The following PTK2B variants were observed in gnomAD, a reference collection of about 807,000 sequenced individuals.
PTK2B encodes protein-tyrosine kinase 2-beta.
Under a neutral mutation model 142.9 loss-of-function variants are expected in PTK2B, and 71 were observed. The ratio of observed to expected loss-of-function variants is 0.50; its 90% CI spans 0.41 to 0.61. The LOEUF (loss-of-function observed/expected upper bound fraction) is 0.61. PTK2B is among the 20% of genes least tolerant of loss of function. The pLI is 0.00. For synonymous variants in PTK2B, 519 were observed against 503.4 expected, an observed-to-expected ratio of 1.03 and a Z score of -0.42; for missense variants, 1,105 against 1,320.4, an observed-to-expected ratio of 0.84 and a Z score of 2.53.
At chr8:27,343,716 T>G (rs1429734420) in intron 1 of PTK2B, among the ~76,000 whole-genome samples, 6 of 152,166 alleles carry the variant, frequency 3.9e-5, no homozygotes, top group Admixed American at 6.5e-5. Context: ...AAAAATTTCT[T>G]TCGCCAGGCG....
At chr8:27,332,782 A>G (rs764458581) in intron 1 of PTK2B, among the ~76,000 whole-genome samples, 10 of 152,058 alleles carry the variant, frequency 6.6e-5, no homozygotes, top group Non-Finnish European at 1.3e-4. Context: ...ATGTCTTGCT[A>G]TGTTGGCCAG....
intron 2 of PTK2B, among the ~76,000 whole-genome samples, chr8:27,418,552 T>A (rs1156648868): frequency 6.6e-6 from 1 of 152,214 alleles, no homozygotes; most frequent in Non-Finnish European, 1.5e-5. Flanking sequence ...AGCAACCTAT[T>A]ATGCATTATT....
At chr8:27,345,730 T>C (rs1042028396) in intron 1 of PTK2B, among the ~76,000 whole-genome samples, 3 of 152,212 alleles carry the variant, frequency 2.0e-5, no homozygotes, top group African/African-American at 7.2e-5. Context: ...GCAGCTTCTA[T>C]GACACATGGG....
At chr8:27,428,259 T>G (rs1810204754) in intron 5 of PTK2B, among the ~76,000 whole-genome samples, 1 of 152,198 alleles carries the variant, frequency 6.6e-6, no homozygotes, top group South Asian at 2.1e-4. Flanking sequence ...TAAATACAGA[T>G]GAAACTTCAG....
rs552453692 is a variant in PTK2B, at chr8:27,432,991, T to A, written c.988-444T>A. Among the ~76,000 whole-genome samples, 280 of 152,286 alleles carry A rather than the reference T, an allele frequency of 1.8e-3. 1 individual carries two copies. Among genetic ancestry groups the A allele is most frequent in the Admixed American group, 3.9e-3 (59 of 15,306 alleles). On this transcript the variant is annotated intron_variant, in intron 10 of 30. Transcript: ENST00000346049. ...ACAGGTGCATGCCACAAGGCCCAAC[T>A]AATTTTTGTACTTTTAGTAGACACA...
At chr8:27,440,054 C>T (rs1811059441) in intron 20 of PTK2B, among the ~76,000 whole-genome samples, 183 bp from the exon 21 acceptor site, 1 of 152,178 alleles carries the variant, frequency 6.6e-6, no homozygotes, top group Non-Finnish European at 1.5e-5. Context: ...TCACTTACTG[C>T]AGAGGTAGGT....
Position 27,420,723 on chromosome 8 carries a change from G to A in PTK2B, c.450G>A (p.Thr150=), listed in dbSNP as rs367952743. Reference sequence around the variant, plus strand: ...AGAGCCTGAAGGAGGACAGGACCACGCTGCTCTATTTTTACCAACAGGTAA... The same window carrying A: ...AGAGCCTGAAGGAGGACAGGACCACACTGCTCTATTTTTACCAACAGGTAA... The part of the protein sequence containing the change: ...FMESLKEDRT[T]LLYFYQQLRN... Residue 150 remains threonine (T), a synonymous_variant, in exon 4 of 31, where the codon ACG becomes ACA. Transcript: ENST00000346049. 2.0e-5 allele frequency: 33 copies of A among 1,613,568 alleles called. No homozygotes were observed. Among genetic ancestry groups the A allele is most frequent in the East Asian group, 2.2e-5 (1 of 44,890 alleles).
At chr8:27,443,120 A>G in intron 22 of PTK2B, 137 bp downstream of exon 22, 1 of 617,280 alleles carries the variant, frequency 1.6e-6, no homozygotes, top group Non-Finnish European at 2.9e-6. Flanking sequence ...ATCCACCATC[A>G]CTGTCAGCGT....
At chr8:27,442,528 T>C (rs148558251) in intron 21 of PTK2B, among the ~76,000 whole-genome samples, 1 of 152,306 alleles carries the variant, frequency 6.6e-6, no homozygotes, top group African/African-American at 2.4e-5. Context: ...GAAATCTACA[T>C]AGGGGTTTGG....
chr8:27,434,608 C>T (rs1405526020), intron 13 of PTK2B, 49 bp downstream of exon 13: 1 of 1,566,918 alleles, frequency 6.4e-7, no homozygotes, highest in Non-Finnish European at 8.7e-7. Flanking sequence ...CTCCCGTCTG[C>T]TTGCTCCCCA....
chr8:27,391,210 T>C (rs1345475842), intron 1 of PTK2B, among the ~76,000 whole-genome samples: 1 of 152,000 alleles, frequency 6.6e-6, no homozygotes, highest in African/African-American at 2.4e-5. Context: ...GATTCTTTTG[T>C]CTCAGCCTCC....
intron 20 of PTK2B, among the ~76,000 whole-genome samples, chr8:27,439,634 C>T (rs1811030692): frequency 6.6e-6 from 1 of 152,060 alleles, no homozygotes; most frequent in Non-Finnish European, 1.5e-5. Flanking sequence ...GGAAGAGGCT[C>T]TTGTGACATG....
At chr8:27,398,501 G>T (rs1025820490) in intron 2 of PTK2B, among the ~76,000 whole-genome samples, 3 of 152,200 alleles carry the variant, frequency 2.0e-5, no homozygotes, top group Admixed American at 6.5e-5. Flanking sequence ...CAATTACTGT[G>T]TGGAGCCTGG....
intron 1 of PTK2B, among the ~76,000 whole-genome samples, chr8:27,394,326 A>C (rs1391659096): frequency 6.6e-6 from 1 of 152,216 alleles, no homozygotes; most frequent in East Asian, 1.9e-4. Flanking sequence ...AGCCTAGACT[A>C]TATGGTATAG....
intron 5 of PTK2B, among the ~76,000 whole-genome samples, chr8:27,424,968 G>C (rs1349324102): frequency 1.3e-5 from 2 of 152,120 alleles, no homozygotes; most frequent in Non-Finnish European, 2.9e-5. Context: ...GGAGTCATGT[G>C]TTTCCTGTGT....
At chr8:27,342,684 C>T (rs914364965) in intron 1 of PTK2B, among the ~76,000 whole-genome samples, 2 of 152,256 alleles carry the variant, frequency 1.3e-5, no homozygotes, top group African/African-American at 2.4e-5. Flanking sequence ...CAGTTCATCC[C>T]GTCTGTGCTC....
At chr8:27,453,202 G>A (rs368574725) in intron 28 of PTK2B, 42 bp downstream of exon 28, 29 of 1,609,386 alleles carry the variant, frequency 1.8e-5, no homozygotes, top group Non-Finnish European at 2.5e-5. Context: ...GAGAGTGGGG[G>A]TTGCACAAAA....
chr8:27,442,625 C>G (rs1240417438), intron 21 of PTK2B, among the ~76,000 whole-genome samples: 1 of 152,184 alleles, frequency 6.6e-6, no homozygotes, highest in East Asian at 1.9e-4. Flanking sequence ...GGGACTGGCT[C>G]ACCAAGGACG....
chr8:27,434,931 C>T (rs568558486), intron 13 of PTK2B, among the ~76,000 whole-genome samples: 5 of 152,058 alleles, frequency 3.3e-5, no homozygotes, highest in Admixed American at 1.3e-4. Context: ...ACCTGGAAGG[C>T]GGAGGTTGCA....
Sources: allele counts gnomAD v4.1 joint callset (sites outside exome capture counted in the v4.1 genomes callset), GRCh38; gene constraint gnomAD v4.1.1; transcripts MANE v1.5; gene names NCBI Gene and HGNC (gene_info 2026-07-23, HGNC 2026-07-21).